The following CSMD1 variants were observed in gnomAD, a reference collection of about 807,000 sequenced individuals.
CSMD1 encodes CUB and sushi domain-containing protein 1.
In CSMD1, 213 loss-of-function variants were observed where a neutral mutation model predicts 417.5. The observed-to-expected ratio is 0.51, with a 90% CI of 0.46 to 0.57. The LOEUF (loss-of-function observed/expected upper bound fraction) is 0.57, where lower values mean the gene tolerates loss of function less well. CSMD1 is among the 20% of genes least tolerant of loss of function. The pLI, the probability that CSMD1 is intolerant of heterozygous loss-of-function variation, is 0.00. For missense variants in CSMD1, 6,923 were observed against 4,529.7 expected (o/e 1.53, Z -15.17); for synonymous variants, 2,862 against 1,736.8 (o/e 1.65, Z -16.11).
At chr8:4,383,190 T>C (rs1208670763) in intron 3 of CSMD1, among the ~76,000 whole-genome samples, 1 of 152,202 alleles carries the variant, frequency 6.6e-6, no homozygotes, top group Admixed American at 6.5e-5. Flanking sequence ...TTCAGAAGTA[T>C]ATAACTCTGA....
intron 10 of CSMD1, among the ~76,000 whole-genome samples, chr8:3,527,263 G>T (rs1433592860): frequency 1.3e-5 from 2 of 152,148 alleles, no homozygotes; most frequent in African/African-American, 4.8e-5. Flanking sequence ...GGCGCTGATA[G>T]GGAATTATAA....
intron 3 of CSMD1, among the ~76,000 whole-genome samples, chr8:4,114,120 T>C (rs1322140157): frequency 2.0e-5 from 3 of 152,166 alleles, no homozygotes; most frequent in Non-Finnish European, 4.4e-5. Flanking sequence ...AGGACTTTCA[T>C]AGGAGGAAAG....
At chr8:3,004,483 A>T (rs1438942091) in intron 52 of CSMD1, among the ~76,000 whole-genome samples, 3 of 152,196 alleles carry the variant, frequency 2.0e-5, no homozygotes, top group Non-Finnish European at 4.4e-5. Flanking sequence ...TCTACTAGTA[A>T]TCTGAACCCA....
intron 33 of CSMD1, among the ~76,000 whole-genome samples, chr8:3,192,083 G>A (rs931386343): frequency 6.6e-6 from 1 of 152,170 alleles, no homozygotes; most frequent in Non-Finnish European, 1.5e-5. Flanking sequence ...CATGAAAACG[G>A]AAATTGGCAG....
At chr8:4,120,259 T>C (rs1160401076) in intron 3 of CSMD1, among the ~76,000 whole-genome samples, 2 of 151,550 alleles carry the variant, frequency 1.3e-5, no homozygotes, top group African/African-American at 4.8e-5. Context: ...ATAAAAAGGA[T>C]TTGGGGTAAA....
chr8:4,939,097 C>A (rs1333609965), intron 1 of CSMD1, among the ~76,000 whole-genome samples: 1 of 152,098 alleles, frequency 6.6e-6, no homozygotes, highest in East Asian at 1.9e-4. Flanking sequence ...CGGGTTGCCT[C>A]TTTATTTTAT....
At chr8:4,682,315 G>A (rs1806103660) in intron 1 of CSMD1, among the ~76,000 whole-genome samples, 1 of 152,158 alleles carries the variant, frequency 6.6e-6, no homozygotes, top group South Asian at 2.1e-4. Context: ...ACAAGCACAA[G>A]CCACTGTGCT....
intron 3 of CSMD1, among the ~76,000 whole-genome samples, chr8:4,173,720 AG>A (rs1327605581): frequency 1.3e-5 from 2 of 152,166 alleles, no homozygotes. Flanking sequence ...GCAATCAATG[AG>A]AAAATTTTTT....
intron 2 of CSMD1, among the ~76,000 whole-genome samples, chr8:4,632,848 G>C (rs963174984): frequency 2.0e-5 from 3 of 152,204 alleles, no homozygotes; most frequent in Non-Finnish European, 2.9e-5. Context: ...CAGACCGGTA[G>C]AGGGAGAGGC....
At chr8:4,497,169 A>G (rs1168939572) in intron 2 of CSMD1, among the ~76,000 whole-genome samples, 1 of 152,122 alleles carries the variant, frequency 6.6e-6, no homozygotes. Flanking sequence ...TTAGTAGAAT[A>G]TTCCAGAGCA....
At chr8:4,227,408 T>G (rs192825388) in intron 3 of CSMD1, among the ~76,000 whole-genome samples, 2 of 152,232 alleles carry the variant, frequency 1.3e-5, no homozygotes, top group Admixed American at 1.3e-4. Context: ...AACCCTGTTG[T>G]CTTCCATTAT....
At chr8:4,632,208 A>G (rs1154579) in intron 2 of CSMD1, among the ~76,000 whole-genome samples, 89,252 of 151,954 alleles carry the variant, frequency 0.59, 26,962 homozygotes, top group Admixed American at 0.72. Context: ...GAATAATGTA[A>G]TTCAAAATTG....
intron 1 of CSMD1, among the ~76,000 whole-genome samples, chr8:4,740,852 T>C (rs1412710718): frequency 6.6e-6 from 1 of 152,230 alleles, no homozygotes; most frequent in Non-Finnish European, 1.5e-5. Flanking sequence ...ACACGAACTT[T>C]AACGAACTTC....
At position 3,917,416 on chromosome 8, in the gene CSMD1, AACAC is replaced by A. The variant is rs56102573; in HGVS notation, c.818+80483_818+80486del. Among the ~76,000 whole-genome samples the A allele has an allele frequency of 6.1e-3, 919 of 150,278 alleles. 5 individuals carry two copies. The highest frequency in any genetic ancestry group is 6.6e-3 in the Non-Finnish European group (447 of 67,406). ...GAGTTTGGGTTTGGTTATACCACGA[AACAC>A]ACACACACACACACACACACGCTCA... On this transcript the variant is annotated intron_variant, in intron 5 of 69. Coordinates refer to ENST00000635120, the MANE Select transcript of CSMD1 (RefSeq NM_033225.6).
intron 23 of CSMD1, among the ~76,000 whole-genome samples, chr8:3,342,524 G>A (rs181725185): frequency 2.5e-4 from 38 of 152,226 alleles, no homozygotes; most frequent in Non-Finnish European, 4.6e-4. Context: ...ACACCAAATA[G>A]CTTTTTCTTT....
chr8:3,943,864 G>A (rs1563237526), intron 5 of CSMD1, among the ~76,000 whole-genome samples: 1 of 152,090 alleles, frequency 6.6e-6, no homozygotes, highest in East Asian at 1.9e-4. Flanking sequence ...CCTATTTAGG[G>A]AAACGAAAGA....
intron 1 of CSMD1, among the ~76,000 whole-genome samples, chr8:4,748,392 A>T (rs1444301847): frequency 6.6e-6 from 1 of 152,186 alleles, no homozygotes; most frequent in Non-Finnish European, 1.5e-5. Flanking sequence ...TACTTTTTAA[A>T]TCTGAAACTA....
intron 2 of CSMD1, among the ~76,000 whole-genome samples, chr8:4,427,219 G>A (rs1165692296): frequency 1.3e-5 from 2 of 152,182 alleles, no homozygotes; most frequent in African/African-American, 2.4e-5. Context: ...CTGAGCCCAA[G>A]AGAGGCACAC....
chr8:4,787,204 C>T, intron 1 of CSMD1: 2 of 459,472 alleles, frequency 4.4e-6, no homozygotes, highest in Non-Finnish European at 8.1e-6. Flanking sequence ...GGTCGCGGGG[C>T]CCCGCCAGGG....
Sources: allele counts gnomAD v4.1 joint callset (sites outside exome capture counted in the v4.1 genomes callset), GRCh38; gene constraint gnomAD v4.1.1; transcripts MANE v1.5; gene names NCBI Gene and HGNC (gene_info 2026-07-23, HGNC 2026-07-21).